Variants in WDR17 observed in about 807,000 individuals in gnomAD.
WDR17 encodes WD repeat domain 17, also known as WD repeat-containing protein 17.
WDR17 carries 143 observed loss-of-function variants against 161.7 expected under a neutral mutation model. That is an observed-to-expected ratio of 0.88 (90% CI 0.77 to 1.02). WDR17 has a LOEUF of 1.02. Among genes scored for constraint, WDR17 ranks in the 50% least tolerant of loss-of-function variants. WDR17 has a pLI of 0.00. For synonymous variants in WDR17, 517 were observed against 515.6 expected (o/e 1.00, Z -0.04); for missense variants, 1,469 against 1,520.9 (o/e 0.97, Z 0.57).
At chr4:176,074,539 CT>C (rs1464368434) in intron 1 of WDR17, among the ~76,000 whole-genome samples, 4 of 151,916 alleles carry the variant, frequency 2.6e-5, no homozygotes, top group African/African-American at 9.7e-5. Context: ...TCACTGCAGC[CT>C]CGATTTCCTG....
intron 20 of WDR17, 62 bp from the exon 21 acceptor site, chr4:176,162,013 T>G: frequency 1.5e-6 from 2 of 1,347,150 alleles, no homozygotes; most frequent in Non-Finnish European, 2.1e-6. Context: ...TTAAAAAGTA[T>G]TAGTTTGCTT....
chr4:176,144,475 A>G (rs949563680), intron 11 of WDR17, among the ~76,000 whole-genome samples: 2 of 152,222 alleles, frequency 1.3e-5, no homozygotes, highest in African/African-American at 2.4e-5. Context: ...GCAAATGAAT[A>G]GAATTACCTT....
intron 12 of WDR17, 144 bp from the exon 13 acceptor site, chr4:176,147,989 A>T: frequency 2.0e-6 from 1 of 510,038 alleles, no homozygotes; most frequent in Non-Finnish European, 3.2e-6. Flanking sequence ...TTTTTAAATT[A>T]AAATGAAGAG....
chr4:176,136,053 G>A (rs1744347337), intron 8 of WDR17, among the ~76,000 whole-genome samples: 1 of 151,586 alleles, frequency 6.6e-6, no homozygotes, highest in South Asian at 2.1e-4. Flanking sequence ...GAATCTCTGA[G>A]AAATTTATGA....
At chr4:176,133,188 T>TC (rs1743789896) in intron 7 of WDR17, among the ~76,000 whole-genome samples, 1 of 145,774 alleles carries the variant, frequency 6.9e-6, no homozygotes, top group Admixed American at 6.8e-5. Flanking sequence ...ATTTTTATTT[T>TC]TTTTTTTTTA....
At chr4:176,179,377 G>A (rs1751907036) in intron 28 of WDR17, 83 bp from the exon 29 acceptor site, 4 of 1,264,822 alleles carry the variant, frequency 3.2e-6, no homozygotes, top group Non-Finnish European at 3.1e-6. Context: ...TTTTTTTATT[G>A]CAGTGATTCT....
intron 12 of WDR17, 50 bp from the exon 13 acceptor site, chr4:176,148,083 A>G: frequency 1.3e-6 from 2 of 1,507,940 alleles, no homozygotes; most frequent in Non-Finnish European, 1.8e-6. Flanking sequence ...TTAATACTCT[A>G]GATACATTAT....
intron 1 of WDR17, among the ~76,000 whole-genome samples, chr4:176,093,307 G>A (rs1317492298): frequency 1.3e-5 from 2 of 151,986 alleles, no homozygotes; most frequent in Admixed American, 6.6e-5. Flanking sequence ...AAATACCAAT[G>A]ACATTCTTCA....
chr4:176,127,665 AT>A (rs1202955117), intron 5 of WDR17, among the ~76,000 whole-genome samples: 1 of 152,174 alleles, frequency 6.6e-6, no homozygotes, highest in Admixed American at 6.5e-5. Flanking sequence ...AAAATTCACC[AT>A]TTTTAAAGCA....
At position 176,120,036 on chromosome 4, in the gene WDR17, A is replaced by G. The variant is rs984546215; in HGVS notation, c.477A>G (p.Thr159=). The G allele has an allele frequency of 1.9e-6, 3 of 1,613,926 alleles. No individual in the cohort carries two copies. The highest frequency in any genetic ancestry group is 2.5e-6 in the Non-Finnish European group (3 of 1,179,970). ...LSDICMFRWH[T]HQKGKVVFGH... is the part of the protein sequence containing the mutation. ...ATATCTGTATGTTCAGATGGCATACACACCAAAAGGGGAAAGTTGTGTTTG... is the reference window on the plus strand; with the variant it reads ...ATATCTGTATGTTCAGATGGCATACGCACCAAAAGGGGAAAGTTGTGTTTG... Residue 159 remains threonine, a synonymous_variant, in exon 4 of 29, where the codon ACA becomes ACG. Coordinates refer to ENST00000508596, the MANE Select transcript of WDR17 (RefSeq NM_181265.4).
intron 5 of WDR17, 76 bp from the exon 6 acceptor site, chr4:176,128,662 T>C: frequency 6.9e-7 from 1 of 1,444,648 alleles, no homozygotes; most frequent in Non-Finnish European, 9.4e-7. Context: ...GTTGAAATTT[T>C]GTTATACTTT....
At chr4:176,082,887 A>G (rs1734935254) in intron 1 of WDR17, among the ~76,000 whole-genome samples, 1 of 151,168 alleles carries the variant, frequency 6.6e-6, no homozygotes, top group Non-Finnish European at 1.5e-5. Flanking sequence ...GGCTCATCCA[A>G]AAATATACAT....
In WDR17 at chr4:176,177,606, A is replaced by G. The variant is rs553588751; in HGVS notation, c.3684A>G (p.Pro1228=). The change falls in exon 28 of 29, where the codon CCA becomes CCG. Residue 1228 remains proline (P), a synonymous_variant. Transcript: ENST00000508596. ...ATTATGTGACTGGATCAAATCTTCC[A>G]AGTCATTCTGATATTCACATTTCTT... The part of the protein sequence containing the change: ...GPDYVTGSNL[P]SHSDIHISCL... 29 of 1,598,456 alleles carry G rather than the reference A, an allele frequency of 1.8e-5. No homozygotes were observed. In the East Asian group the frequency reaches 6.1e-4, roughly 33 times the overall value.
chr4:176,125,453 G>A lies in WDR17; in HGVS notation c.790+98G>A, dbSNP rs946476717. The A allele has an allele frequency of 2.2e-5, 30 of 1,373,280 alleles. 1 individual carries two copies. The South Asian group carries it at 3.6e-4, about 17-fold the overall frequency. 85.1% of individuals were successfully genotyped at this position (1,373,280 alleles called of 1,614,324 possible). On this transcript the variant is annotated intron_variant, in intron 5 of 28. Coordinates refer to ENST00000508596, the MANE Select transcript of WDR17 (RefSeq NM_181265.4). Reference sequence around the variant, plus strand: ...TTTATAGGTTGATTTTGTGTAAAATGTATTAATAGCTCAATTATTATTTAT... The same window carrying A: ...TTTATAGGTTGATTTTGTGTAAAATATATTAATAGCTCAATTATTATTTAT...
At chr4:176,078,460 T>A (rs1419902946) in intron 1 of WDR17, among the ~76,000 whole-genome samples, 1 of 152,028 alleles carries the variant, frequency 6.6e-6, no homozygotes, top group Non-Finnish European at 1.5e-5. Flanking sequence ...AAACAACAAA[T>A]CTTCATTATG....
chr4:176,123,506 G>A (rs1741930923), intron 4 of WDR17, among the ~76,000 whole-genome samples: 1 of 152,126 alleles, frequency 6.6e-6, no homozygotes, highest in South Asian at 2.1e-4. Context: ...GCTATAAATC[G>A]AGGTTCCCGT....
At chr4:176,139,658 C>A (rs1232542331) in intron 9 of WDR17, among the ~76,000 whole-genome samples, 2 of 151,918 alleles carry the variant, frequency 1.3e-5, no homozygotes, top group Non-Finnish European at 2.9e-5. Context: ...GAAATGGAGC[C>A]ACCTGATTTA....
chr4:176,131,483 T>G (rs1218656267), intron 6 of WDR17, 71 bp from the exon 7 acceptor site: 3 of 1,412,872 alleles, frequency 2.1e-6, no homozygotes, highest in Non-Finnish European at 2.8e-6. Context: ...GATTTTTTTT[T>G]TAATGAAGAA....
chr4:176,072,712 C>G (rs1733398227), intron 1 of WDR17, among the ~76,000 whole-genome samples: 1 of 152,122 alleles, frequency 6.6e-6, no homozygotes, highest in African/African-American at 2.4e-5. Context: ...TTTTGCATAG[C>G]TCCGAGCACA....
Sources: gnomAD v4.1 joint callset for allele counts (sites outside exome capture counted in the v4.1 genomes callset) on GRCh38, gnomAD v4.1.1 for gene constraint, MANE v1.5 for transcripts, NCBI Gene and HGNC (gene_info 2026-07-23, HGNC 2026-07-21) for gene names.